Variants in TRAPPC12 observed in about 807,000 individuals in gnomAD.
The protein encoded by TRAPPC12 is trafficking protein particle complex subunit 12, also known as TPR repeat protein 15.
TRAPPC12 carries 61 observed loss-of-function variants against 69.2 expected under a neutral mutation model. That is an observed-to-expected ratio of 0.88 (90% CI 0.72 to 1.09). TRAPPC12 has a LOEUF of 1.09. Among genes scored for constraint, TRAPPC12 ranks in the 50% least tolerant of loss-of-function variants. TRAPPC12 has a pLI of 0.00. For synonymous variants in TRAPPC12, 469 were observed against 438.9 expected, an observed-to-expected ratio of 1.07 and a Z score of -0.86; for missense variants, 1,101 against 1,016.4, an observed-to-expected ratio of 1.08 and a Z score of -1.13.
chr2:3,397,447 G>T (rs1661199572), intron 2 of TRAPPC12, among the ~76,000 whole-genome samples: 1 of 152,098 alleles, frequency 6.6e-6, no homozygotes, highest in South Asian at 2.1e-4. Flanking sequence ...ACACCCCACA[G>T]CCCTGTGTGA....
chr2:3,455,600 G>A (rs6758656), intron 6 of TRAPPC12: 116,115 of 152,170 alleles, frequency 0.76, 44,565 homozygotes, highest in East Asian at 0.93. Context: ...GAGAACATAC[G>A]ATGTTTGTCT....
intron 9 of TRAPPC12, chr2:3,466,505 T>C: frequency 2.4e-6 from 1 of 414,252 alleles, no homozygotes. Flanking sequence ...GGAGGCCACA[T>C]AGATAATGGG....
chr2:3,457,215 T>C (rs1311382516), intron 6 of TRAPPC12: 1 of 454,848 alleles, frequency 2.2e-6, no homozygotes, highest in Non-Finnish European at 4.4e-6. Flanking sequence ...AACCAAATAG[T>C]GAATGTTTTC....
At chr2:3,439,285 G>C (rs1023906372) in intron 5 of TRAPPC12, among the ~76,000 whole-genome samples, 1 of 152,018 alleles carries the variant, frequency 6.6e-6, no homozygotes, top group Non-Finnish European at 1.5e-5. Flanking sequence ...TTATTAATTG[G>C]GTTGTTTTCT....
intron 3 of TRAPPC12, among the ~76,000 whole-genome samples, chr2:3,408,456 G>A (rs112161739): frequency 0.026 from 3,945 of 152,094 alleles, 162 homozygotes; most frequent in African/African-American, 0.09. Context: ...GCAAAACCCC[G>A]CCTCTACTAA....
chr2:3,457,448 TTAAAA>T (rs1212308529), intron 6 of TRAPPC12, among the ~76,000 whole-genome samples, 168 bp from the exon 7 acceptor site: 2 of 152,202 alleles, frequency 1.3e-5, no homozygotes, highest in Non-Finnish European at 2.9e-5. Flanking sequence ...AAGTTGCAAT[TTAAAA>T]TAAATAAAAT....
At position 3,465,343 on chromosome 2, in the gene TRAPPC12, G is replaced by A. The variant is rs560037459; in HGVS notation, c.1678-254G>A. Among the ~76,000 whole-genome samples, 7 of 152,266 alleles carry A rather than the reference G, an allele frequency of 4.6e-5. No individual in the cohort carries two copies. The East Asian group carries it at 5.8e-4, about 13-fold the overall frequency. On this transcript the variant is annotated intron_variant, in intron 8 of 11. Transcript: ENST00000324266. ...AGACCCTCAGGCCCAACTAAACCGC[G>A]ACAGCCCCCGGTGACAGGCAGGACC...
At chr2:3,439,572 A>G (rs1196945822) in intron 5 of TRAPPC12, among the ~76,000 whole-genome samples, 1 of 151,490 alleles carries the variant, frequency 6.6e-6, no homozygotes, top group Non-Finnish European at 1.5e-5. Flanking sequence ...AATTCTTCAT[A>G]TATGTTGAAT....
rs1167234194 is a variant in TRAPPC12, at chr2:3,416,375, CTGTGAGCTTTCCTGTG to C, written c.1165-5502_1165-5487del. Among the ~76,000 whole-genome samples, 5 of 152,270 alleles carry C rather than the reference CTGTGAGCTTTCCTGTG, an allele frequency of 3.3e-5. No individual in the cohort carries two copies. In the South Asian group the frequency reaches 1.0e-3, roughly 32 times the overall value. The stretch of plus-strand genomic sequence containing the variant: ...CCTTCCCCGAAACATCAGGGGCATT[CTGTGAGCTTTCCTGTG>C]TGTCCGCAGGGGCAGTTCTGTCCTT... On this transcript the variant is annotated intron_variant, in intron 3 of 11. Coordinates refer to ENST00000324266, the MANE Select transcript of TRAPPC12 (RefSeq NM_016030.6).
intron 3 of TRAPPC12, among the ~76,000 whole-genome samples, chr2:3,404,136 C>T (rs558219859): frequency 4.1e-4 from 63 of 152,218 alleles, no homozygotes; most frequent in African/African-American, 1.3e-3. Context: ...GCCTGGCTCC[C>T]GGCTGTGATG....
At chr2:3,400,816 C>G (rs1661399915) in intron 2 of TRAPPC12, among the ~76,000 whole-genome samples, 1 of 152,214 alleles carries the variant, frequency 6.6e-6, no homozygotes, top group South Asian at 2.1e-4. Flanking sequence ...TGTGCCGACT[C>G]CCGAGGGTCA....
At chr2:3,381,560 G>C (rs1660211748) in intron 1 of TRAPPC12, among the ~76,000 whole-genome samples, 1 of 152,154 alleles carries the variant, frequency 6.6e-6, no homozygotes, top group Non-Finnish European at 1.5e-5. Context: ...CCTATTTATA[G>C]TTTAATAAAA....
intron 2 of TRAPPC12, among the ~76,000 whole-genome samples, chr2:3,400,499 C>T (rs1231901138): frequency 6.6e-6 from 1 of 152,172 alleles, no homozygotes; most frequent in Non-Finnish European, 1.5e-5. Context: ...TCAGGGACCT[C>T]AGTGCTGCTG....
intron 7 of TRAPPC12, chr2:3,458,536 T>C: frequency 1.2e-6 from 1 of 855,730 alleles, no homozygotes. Context: ...GTGTGGTGTG[T>C]GGATGTTGGG....
At chr2:3,438,960 C>A (rs1261713478) in intron 5 of TRAPPC12, among the ~76,000 whole-genome samples, 2 of 152,058 alleles carry the variant, frequency 1.3e-5, no homozygotes, top group East Asian at 3.9e-4. Context: ...TTGGGTAAAT[C>A]TCTAGGACTG....
rs1197722221 is a variant in TRAPPC12, at chr2:3,414,685, C to T, written c.1165-7196C>T. ...ACAGAGCTGTCAAGCGTGTCCATGC[C>T]GTGCCGCTTGTGCCTCTGCCCCGCG... On this transcript the variant is annotated intron_variant, in intron 3 of 11. Coordinates refer to ENST00000324266, the MANE Select transcript of TRAPPC12 (RefSeq NM_016030.6). This position sits in a 1 kb window ranked among gnomAD's most constrained non-coding sequence, Gnocchi z 4.9. 6.6e-6 allele frequency among the ~76,000 whole-genome samples: 1 copy of T among 152,154 alleles called. No homozygotes were observed. The highest frequency in any genetic ancestry group is 1.5e-5 in the Non-Finnish European group (1 of 68,036).
At chr2:3,409,750 TAAAAAAAAAAAAA>T (rs71396989) in intron 3 of TRAPPC12, among the ~76,000 whole-genome samples, 13 of 54,874 alleles carry the variant, frequency 2.4e-4, no homozygotes, top group South Asian at 8.3e-4. Flanking sequence ...ACTTTGTCTT[TAAAAAAAAAAAAA>T]AAAAAAAAAA....
At chr2:3,383,850 C>A in intron 1 of TRAPPC12, among the ~76,000 whole-genome samples, 1 of 137,174 alleles carries the variant, frequency 7.3e-6, no homozygotes, top group African/African-American at 2.6e-5. Context: ...GCTACATATT[C>A]CCTTGTGATA....
chr2:3,380,474 A>G (rs1241123490), intron 1 of TRAPPC12, among the ~76,000 whole-genome samples: 1 of 152,226 alleles, frequency 6.6e-6, no homozygotes, highest in Non-Finnish European at 1.5e-5. Context: ...GATGTGTTTT[A>G]ACGTGTCATT....
Sources: gnomAD v4.1 joint callset for allele counts (sites outside exome capture counted in the v4.1 genomes callset) on GRCh38, gnomAD v4.1.1 for gene constraint, Gnocchi (gnomAD v3.1) non-coding constraint, MANE v1.5 for transcripts, NCBI Gene and HGNC (gene_info 2026-07-23, HGNC 2026-07-21) for gene names.